The following SPMAP2L variants were observed in gnomAD, a reference collection of about 807,000 sequenced individuals.
The protein encoded by SPMAP2L is sperm microtubule associated protein 2-like.
At chr4:56,539,328 C>G in the SPMAP2L span, among the ~76,000 whole-genome samples, 1 of 152,196 alleles carries the variant, frequency 6.6e-6, no homozygotes, top group Non-Finnish European at 1.5e-5. Context: ...ATAACACATC[C>G]ACAGCATACA....
the SPMAP2L span, chr4:56,593,261 C>T: frequency 1.7e-5 from 21 of 1,237,194 alleles, no homozygotes; most frequent in South Asian, 4.8e-5. Flanking sequence ...TGAGGGACTG[C>T]GGCTGCAGAG....
At chr4:56,621,266 G>T in the SPMAP2L span, among the ~76,000 whole-genome samples, 75,361 of 151,986 alleles carry the variant, frequency 0.5, 19,987 homozygotes, top group African/African-American at 0.69. Context: ...CTCCAATAGT[G>T]ATAGGTTTTT....
At chr4:56,620,721 A>G in the SPMAP2L span, among the ~76,000 whole-genome samples, 2 of 152,252 alleles carry the variant, frequency 1.3e-5, no homozygotes, top group East Asian at 3.8e-4. Flanking sequence ...GCAATTCAGC[A>G]GGGCCAGCTG....
At chr4:56,620,582 T>C in the SPMAP2L span, among the ~76,000 whole-genome samples, 1 of 152,218 alleles carries the variant, frequency 6.6e-6, no homozygotes, top group Admixed American at 6.5e-5. Flanking sequence ...ACGGGGTTTC[T>C]CCATGTTGGT....
At chr4:56,532,772 A>G in the SPMAP2L span, among the ~76,000 whole-genome samples, 20 of 152,264 alleles carry the variant, frequency 1.3e-4, no homozygotes, top group East Asian at 3.9e-3. Context: ...TGGAGATTTC[A>G]TATCCACTTG....
At chr4:56,586,404 C>T in the SPMAP2L span, among the ~76,000 whole-genome samples, 5 of 152,110 alleles carry the variant, frequency 3.3e-5, no homozygotes, top group Non-Finnish European at 7.4e-5. Context: ...TCTTCCTTTT[C>T]TTATAATGAC....
At chr4:56,542,041 A>AT in the SPMAP2L span, among the ~76,000 whole-genome samples, 1 of 152,246 alleles carries the variant, frequency 6.6e-6, no homozygotes, top group Non-Finnish European at 1.5e-5. Context: ...TAGGACTTAA[A>AT]CAAGAGCCTC....
chr4:56,566,686 T>G, the SPMAP2L span, among the ~76,000 whole-genome samples: 1 of 130,666 alleles, frequency 7.7e-6, no homozygotes, highest in East Asian at 2.1e-4. Flanking sequence ...TCTTTTTCTT[T>G]TTCTTTTTCT....
At chr4:56,595,504 C>T in the SPMAP2L span, 2 of 1,544,742 alleles carry the variant, frequency 1.3e-6, no homozygotes, top group East Asian at 2.2e-5. Context: ...GATGTCTCCA[C>T]ACTCCCTGAC....
the SPMAP2L span, chr4:56,552,576 T>C: frequency 1.3e-6 from 2 of 1,527,864 alleles, no homozygotes; most frequent in South Asian, 1.2e-5. Context: ...GAACCCCAAA[T>C]CTTTCAAAGC....
chr4:56,606,028 A>G, the SPMAP2L span, among the ~76,000 whole-genome samples: 4 of 152,076 alleles, frequency 2.6e-5, no homozygotes, highest in African/African-American at 9.7e-5. Context: ...TCCTAAACCT[A>G]GGTATAAAAG....
the SPMAP2L span, among the ~76,000 whole-genome samples, chr4:56,563,579 T>A: frequency 1.3e-5 from 2 of 152,128 alleles, no homozygotes; most frequent in Non-Finnish European, 2.9e-5. Context: ...GATATTATTA[T>A]TTACCTGCAG....
At chr4:56,621,380 C>A in the SPMAP2L span, among the ~76,000 whole-genome samples, 42 of 152,256 alleles carry the variant, frequency 2.8e-4, no homozygotes, top group East Asian at 7.7e-3. Flanking sequence ...AGAAAAATGA[C>A]CCTCTCTGTA....
At chr4:56,580,871 A>G in the SPMAP2L span, among the ~76,000 whole-genome samples, 1 of 152,150 alleles carries the variant, frequency 6.6e-6, no homozygotes, top group Non-Finnish European at 1.5e-5. Flanking sequence ...AAGAAAACCA[A>G]TTTTGCAGTA....
chr4:56,624,029 G>A, the SPMAP2L span, among the ~76,000 whole-genome samples: 2 of 152,166 alleles, frequency 1.3e-5, no homozygotes. Context: ...ACTTCCTAGA[G>A]ACTTGTTGAA....
chr4:56,589,689 G>T, the SPMAP2L span, among the ~76,000 whole-genome samples: 1 of 149,910 alleles, frequency 6.7e-6, no homozygotes, highest in Non-Finnish European at 1.5e-5. Context: ...TTTTGTTGTT[G>T]TTGTTGTTTT....
At chr4:56,547,146 A>C in the SPMAP2L span, among the ~76,000 whole-genome samples, 1 of 152,302 alleles carries the variant, frequency 6.6e-6, no homozygotes, top group East Asian at 1.9e-4. Flanking sequence ...GTAACCAATA[A>C]TTGTAACTAC....
At chr4:56,593,194 C>T in the SPMAP2L span, 17 of 1,481,490 alleles carry the variant, frequency 1.1e-5, no homozygotes, top group Non-Finnish European at 1.5e-5. Flanking sequence ...TACTCAACTA[C>T]CAGACCATGG....
At chr4:56,580,634 G>GA in the SPMAP2L span, among the ~76,000 whole-genome samples, 1 of 147,968 alleles carries the variant, frequency 6.8e-6, no homozygotes, top group Non-Finnish European at 1.5e-5. Flanking sequence ...AATTAGGCAT[G>GA]AAAAAAAATA....
Sources: gnomAD v4.1 joint callset for allele counts (sites outside exome capture counted in the v4.1 genomes callset) on GRCh38, gnomAD v4.1.1 for gene constraint, MANE v1.5 for transcripts, NCBI Gene and HGNC (gene_info 2026-07-23, HGNC 2026-07-21) for gene names.